Variants in VCL observed in about 807,000 individuals in gnomAD.
The protein encoded by VCL is vinculin, also known as epididymis luminal protein 114.
Under a neutral mutation model 125.7 loss-of-function variants are expected in VCL, and 47 were observed. The observed-to-expected ratio is 0.37, with a 90% CI of 0.30 to 0.48. The LOEUF (loss-of-function observed/expected upper bound fraction) is 0.48. Ranked by LOEUF, VCL falls within the 20% of genes least tolerant of loss-of-function variation. VCL has a pLI of 0.99. For synonymous variants in VCL, 458 were observed against 514.6 expected (o/e 0.89, Z 1.49); for missense variants, 1,069 against 1,455.5 (o/e 0.73, Z 4.32).
intron 1 of VCL, among the ~76,000 whole-genome samples, chr10:74,039,874 G>A (rs1442703120): frequency 6.6e-6 from 1 of 152,160 alleles, no homozygotes; most frequent in Non-Finnish European, 1.5e-5. Context: ...TTTCAAGCTG[G>A]CCTAAAAGGC....
In VCL at chr10:74,097,328, A is replaced by C. The variant is rs1060502193; in HGVS notation, c.1868A>C (p.Glu623Ala). ...GCGCCTCCTGATGCGCCTAACAGGG[A>C]AGAGGTGGGTATCTGAGGTCTTCCA... ...ATAPPDAPNR[E>A]EVFDERAANF... is the part of the protein sequence containing the mutation. Residue 623 changes from glutamate to alanine, a missense_variant, in exon 13 of 22, where the codon GAA becomes GCA. Physicochemically the swap from Glu to Ala is moderately radical, Grantham distance 107. Transcript: ENST00000211998. This position sits in a 1 kb window ranked among gnomAD's most constrained non-coding sequence, Gnocchi z 4.1. 6.2e-7 allele frequency: 1 copy of C among 1,613,218 alleles called. No individual in the cohort carries two copies. Among genetic ancestry groups the C allele is most frequent in the Non-Finnish European group, 8.5e-7 (1 of 1,179,726 alleles).
chr10:74,100,288 G>A (rs1471700108), intron 13 of VCL, among the ~76,000 whole-genome samples: 1 of 152,200 alleles, frequency 6.6e-6, no homozygotes, highest in Non-Finnish European at 1.5e-5. Flanking sequence ...CCTGTTAAAG[G>A]AAACATTAAC....
chr10:74,113,643 G>C (rs926627909), intron 19 of VCL, among the ~76,000 whole-genome samples: 1 of 151,482 alleles, frequency 6.6e-6, no homozygotes, highest in Non-Finnish European at 1.5e-5. Flanking sequence ...TAGTTAAGTA[G>C]CAAGAACGCT....
At chr10:74,073,932 A>G (rs1839535864) in intron 5 of VCL, among the ~76,000 whole-genome samples, 1 of 152,200 alleles carries the variant, frequency 6.6e-6, no homozygotes, top group Admixed American at 6.5e-5. Context: ...ACATATGAGT[A>G]TAAGAGTTCA....
chr10:74,010,986 A>G (rs981181288), intron 1 of VCL, among the ~76,000 whole-genome samples: 6 of 152,072 alleles, frequency 3.9e-5, no homozygotes, highest in Non-Finnish European at 7.4e-5. Flanking sequence ...CCTGGCCAAC[A>G]TGGCGAAACC....
intron 1 of VCL, among the ~76,000 whole-genome samples, chr10:74,023,115 A>G (rs960547141): frequency 8.5e-5 from 13 of 152,248 alleles, no homozygotes; most frequent in Admixed American, 8.5e-4. Flanking sequence ...ATTGTAGCTT[A>G]GTGTGTACGT....
Position 74,043,156 on chromosome 10 carries a change from G to A in VCL, c.239+3G>A, listed in dbSNP as rs372571288. The stretch of plus-strand genomic sequence containing the variant: ...GATATGCCACCAGCATTTATTAAGT[G>A]AGTAATTGAAATATTCTTCTGTTGC... On this transcript the variant is annotated splice_donor_region_variant and intron_variant, in intron 2 of 21. Coordinates refer to ENST00000211998, the MANE Select transcript of VCL (RefSeq NM_014000.3). 5 of 1,611,756 alleles carry A rather than the reference G, an allele frequency of 3.1e-6. No homozygotes were observed. Among genetic ancestry groups the A allele is most frequent in the Non-Finnish European group, 4.2e-6 (5 of 1,178,320 alleles).
intron 8 of VCL, 31 bp downstream of exon 8, chr10:74,083,544 A>G: frequency 6.2e-7 from 1 of 1,612,232 alleles, no homozygotes; most frequent in Non-Finnish European, 8.5e-7. Context: ...ACAGAGCAGT[A>G]GTGGGTAACT....
intron 14 of VCL, among the ~76,000 whole-genome samples, chr10:74,101,546 T>TTG (rs1339031531): frequency 2.7e-4 from 37 of 135,848 alleles, no homozygotes; most frequent in African/African-American, 1.0e-3. Flanking sequence ...TTATTAGTTT[T>TTG]TTTTTTTTTT....
At chr10:74,002,654 C>T (rs953184030) in intron 1 of VCL, among the ~76,000 whole-genome samples, 16 of 151,388 alleles carry the variant, frequency 1.1e-4, no homozygotes, top group African/African-American at 3.1e-4. Flanking sequence ...GAGGCCGAGG[C>T]GGGCTGATCA....
chr10:74,111,910 C>T lies in VCL; in HGVS notation c.2747C>T (p.Pro916Leu), dbSNP rs143321584. The change falls in exon 19 of 22, where the codon CCG becomes CTG. Residue 916 changes from proline (P) to leucine (L), a missense_variant and splice_region_variant. This residue lies in a region of VCL where 86 missense variants were observed against 91.0 expected (regional missense o/e 0.95). Transcript: ENST00000211998. ...TCATCCTTCCCGCCATCGACAAAGCCGGGCATCCCAGCCGCTGAGGTGGGT... is the reference window on the plus strand; with the variant it reads ...TCATCCTTCCCGCCATCGACAAAGCTGGGCATCCCAGCCGCTGAGGTGGGT... ...HDEARKWSSK[P>L]GIPAAEVGIG... 1.2e-5 allele frequency: 19 copies of T among 1,614,218 alleles called. No homozygotes were observed. Among genetic ancestry groups the T allele is most frequent in the African/African-American group, 2.7e-5 (2 of 75,064 alleles).
Position 74,028,404 on chromosome 10 carries a change from T to TC in VCL, c.169-14679_169-14678insC, listed in dbSNP as rs1393353916. ...CAGCCTTAAGTAATCTTTTTTTTTT[T>TC]TTTTTTTTTGAGACAGGGTTTCGCT... is the stretch of plus-strand genomic sequence containing the variant. On this transcript the variant is annotated intron_variant, in intron 1 of 21. Coordinates refer to ENST00000211998, the MANE Select transcript of VCL (RefSeq NM_014000.3). Among the ~76,000 whole-genome samples the TC allele has an allele frequency of 2.7e-5, 4 of 150,596 alleles. No individual in the cohort carries two copies. The East Asian group carries it at 7.8e-4, about 29-fold the overall frequency.
At chr10:74,062,651 A>G (rs965243982) in intron 2 of VCL, among the ~76,000 whole-genome samples, 5 of 151,990 alleles carry the variant, frequency 3.3e-5, no homozygotes, top group African/African-American at 1.2e-4. Context: ...GTAGTGCGAT[A>G]ATGGCTCACT....
At chr10:74,052,376 T>G (rs965376774) in intron 2 of VCL, among the ~76,000 whole-genome samples, 5 of 68,424 alleles carry the variant, frequency 7.3e-5, no homozygotes, top group Non-Finnish European at 1.4e-4. Flanking sequence ...TTCAGTTAGT[T>G]TTTTTTTTTT....
rs188592848 is a variant in VCL, at chr10:74,059,071, G to C, written c.240-11599G>C. ...CATCGCAACATTCCTAACCTCTTAG[G>C]TAAAAATGACTCCTCCAGGCCAGGC... On this transcript the variant is annotated intron_variant, in intron 2 of 21. Transcript: ENST00000211998. Among the ~76,000 whole-genome samples the C allele has an allele frequency of 2.6e-5, 4 of 152,168 alleles. No individual in the cohort carries two copies. In the East Asian group the frequency reaches 7.7e-4, roughly 29 times the overall value.
intron 1 of VCL, among the ~76,000 whole-genome samples, chr10:74,000,325 G>GTGATCATA (rs958910649): frequency 6.8e-6 from 1 of 148,122 alleles, no homozygotes; most frequent in Admixed American, 6.9e-5. Context: ...GTGCAATGGC[G>GTGATCATA]TGATCATAGC....
chr10:74,025,905 T>C (rs1425575656), intron 1 of VCL, among the ~76,000 whole-genome samples: 1 of 152,150 alleles, frequency 6.6e-6, no homozygotes, highest in Non-Finnish European at 1.5e-5. Context: ...AGAAGAGCTC[T>C]CAGCCCAGAG....
At chr10:74,066,333 ACAGGCGTGAGCCAC>A (rs1171293710) in intron 2 of VCL, among the ~76,000 whole-genome samples, 1 of 152,144 alleles carries the variant, frequency 6.6e-6, no homozygotes, top group Non-Finnish European at 1.5e-5. Flanking sequence ...TGCTGAGATT[ACAGGCGTGAGCCAC>A]CACGCCTGGC....
rs2131936739 is a variant in VCL at position 74,111,647 on chromosome 10, G to A, written c.2746-262G>A. Among the ~76,000 whole-genome samples, 3 of 152,262 alleles carry A rather than the reference G, an allele frequency of 2.0e-5. No homozygotes were observed. In the South Asian group the frequency reaches 6.2e-4, roughly 32 times the overall value. Reference sequence around the variant, plus strand: ...GAAATGGATGCCACTTGCTTTCTTGGTGTAAAGATTTCTCTAGAAGCCCTT... The same window carrying A: ...GAAATGGATGCCACTTGCTTTCTTGATGTAAAGATTTCTCTAGAAGCCCTT... On this transcript the variant is annotated intron_variant, in intron 18 of 21. Transcript: ENST00000211998.
Sources: gnomAD v4.1 joint callset for allele counts (sites outside exome capture counted in the v4.1 genomes callset) on GRCh38, gnomAD v4.1.1 for gene constraint, gnomAD v4.1.1 regional missense constraint, Gnocchi (gnomAD v3.1) non-coding constraint, MANE v1.5 for transcripts, NCBI Gene and HGNC (gene_info 2026-07-23, HGNC 2026-07-21) for gene names.